Variants in MICA observed in about 807,000 individuals in gnomAD.
The protein encoded by MICA is MHC class I polypeptide-related sequence A.
A neutral mutation model predicts 34.3 loss-of-function variants in MICA; 18 were observed. The ratio of observed to expected loss-of-function variants is 0.52; its 90% CI spans 0.36 to 0.78. The LOEUF (loss-of-function observed/expected upper bound fraction) is 0.78, where lower values mean the gene tolerates loss of function less well. Ranked by LOEUF, MICA falls within the 30% of genes least tolerant of loss-of-function variation. The pLI, the probability that MICA is intolerant of heterozygous loss-of-function variation, is 0.00. For missense variants in MICA, 333 were observed against 409.4 expected, an observed-to-expected ratio of 0.81 and a Z score of 1.61; for synonymous variants, 135 against 156.9, an observed-to-expected ratio of 0.86 and a Z score of 1.04.
intron 1 of MICA, among the ~76,000 whole-genome samples, chr6:31,409,752 G>T (rs367982955): frequency 5.3e-5 from 8 of 151,988 alleles, no homozygotes; most frequent in Non-Finnish European, 1.2e-4. Flanking sequence ...GTTCTTGAGT[G>T]TAGAGTTTAG....
chr6:31,406,033 G>A (rs2263313), intron 1 of MICA, among the ~76,000 whole-genome samples: 15,573 of 151,868 alleles, frequency 0.1, 1,222 homozygotes, highest in African/African-American at 0.16. Flanking sequence ...TTAATATACC[G>A]ATTTCCTTTC....
chr6:31,405,678 G>T (rs1212938258), intron 1 of MICA, among the ~76,000 whole-genome samples: 9 of 150,762 alleles, frequency 6.0e-5, no homozygotes, highest in Non-Finnish European at 1.2e-4. Context: ...TTATATTTTT[G>T]TACCCATTAT....
At position 31,410,469 on chromosome 6, in the gene MICA, C is replaced by T. The variant is rs1771040586; in HGVS notation, c.71-74C>T. 4 of 1,560,270 alleles carry T rather than the reference C, an allele frequency of 2.6e-6. No homozygotes were observed. The East Asian group carries it at 9.0e-5, about 35-fold the overall frequency. On this transcript the variant is annotated intron_variant, in intron 1 of 5. Transcript: ENST00000449934. ...TCCTGCCCCAGGAAGGTTGGGACAG[C>T]AGACCTGTGTGTTAAACATCAATGT...
At chr6:31,410,454 G>A (rs1771038730) in intron 1 of MICA, 89 bp from the exon 2 acceptor site, 3 of 1,435,668 alleles carry the variant, frequency 2.1e-6, no homozygotes, top group African/African-American at 1.6e-5. Flanking sequence ...TCCTGCCCCA[G>A]GAAGGTTGGG....
At chr6:31,412,808 G>A (rs1416182913) in intron 5 of MICA, among the ~76,000 whole-genome samples, 3 of 151,988 alleles carry the variant, frequency 2.0e-5, no homozygotes, top group South Asian at 2.1e-4. Context: ...TGAATGCTAA[G>A]GGCCTGGATG....
At chr6:31,403,530 C>T, upstream of MICA, 1 of 948,012 alleles carries the variant, frequency 1.1e-6, no homozygotes. This position sits in a 1 kb window ranked among gnomAD's most constrained non-coding sequence, Gnocchi z 4.7. Flanking sequence ...GCCCCAGTTT[C>T]ATTGGATGAG....
chr6:31,409,232 T>A (rs563106628), intron 1 of MICA, among the ~76,000 whole-genome samples: 1 of 151,872 alleles, frequency 6.6e-6, no homozygotes, highest in South Asian at 2.1e-4. Flanking sequence ...CCTTTGGGTA[T>A]TTCTTTTGGG....
At chr6:31,401,046 C>T (rs180900413), upstream of MICA, among the ~76,000 whole-genome samples, 2 of 151,936 alleles carry the variant, frequency 1.3e-5, no homozygotes, top group African/African-American at 2.4e-5. Context: ...TGTTATTGAA[C>T]TATTAAAAGT....
chr6:31,400,923 G>C (rs2844522), upstream of MICA: 62,250 of 150,956 alleles, frequency 0.41, 13,809 homozygotes, highest in African/African-American at 0.52. Flanking sequence ...TAAGAAACAA[G>C]TCCCCTGGAG....
rs762284743 is a variant in MICA at position 31,410,766 on chromosome 6, G to A, written c.294G>A (p.Met98Ile). ...CAGGGAACGGAAAGGACCTCAGGAT[G>A]ACCCTGGCTCATATCAAGGACCAGA... ...DLTGNGKDLRMTLAHIKDQKE... is the reference protein window; with the variant it reads ...DLTGNGKDLRITLAHIKDQKE... The change falls in exon 2 of 6, where the codon ATG becomes ATA. Residue 98 changes from methionine (M) to isoleucine (I), a missense_variant. Transcript: ENST00000449934. The A allele has an allele frequency of 1.3e-6, 2 of 1,579,560 alleles. No individual in the cohort carries two copies. Among genetic ancestry groups the A allele is most frequent in the South Asian group, 1.1e-5 (1 of 87,346 alleles).
intron 1 of MICA, among the ~76,000 whole-genome samples, chr6:31,404,923 G>T (rs186029736): frequency 0.022 from 3,359 of 151,502 alleles, 142 homozygotes; most frequent in Non-Finnish European, 0.022. Context: ...CTCCACCTTG[G>T]GACCTTGTGC....
chr6:31,411,964 G>A lies in MICA; in HGVS notation c.631G>A (p.Val211Ile). ...TTCTCCAGTGCCCCCCATGGTGAATGTCACCCGCAGCGAGGCCTCAGAGGG... is the reference window on the plus strand; with the variant it reads ...TTCTCCAGTGCCCCCCATGGTGAATATCACCCGCAGCGAGGCCTCAGAGGG... ...LRRTVPPMVN[V>I]TRSEASEGNI... The change falls in exon 4 of 6, where the codon GTC becomes ATC. Residue 211 changes from valine to isoleucine, a missense_variant. Coordinates refer to ENST00000449934, the MANE Select transcript of MICA (RefSeq NM_001177519.3). This position sits in a 1 kb window ranked among gnomAD's most constrained non-coding sequence, Gnocchi z 4.3. The A allele has an allele frequency of 3.7e-6, 6 of 1,612,698 alleles. No individual in the cohort carries two copies. The highest frequency in any genetic ancestry group is 4.2e-6 in the Non-Finnish European group (5 of 1,179,506).
In MICA at chr6:31,411,239, G is replaced by A. The variant is rs3819269; in HGVS notation, c.493G>A (p.Val165Ile). ...CAGAGCTCAGACCTTGGCCATGAAC[G>A]TCAGGAATTTCTTGAAGGAAGATGC... is the stretch of plus-strand genomic sequence containing the variant. Reference protein sequence around the residue: ...SSRAQTLAMNVRNFLKEDAMK... With the variant: ...SSRAQTLAMNIRNFLKEDAMK... The change falls in exon 3 of 6, where the codon GTC (valine) becomes ATC (isoleucine). Residue 165 changes from valine to isoleucine, a missense_variant. By Grantham distance (29) the Val-to-Ile change is conservative. Coordinates refer to ENST00000449934, the MANE Select transcript of MICA (RefSeq NM_001177519.3). This position sits in a 1 kb window ranked among gnomAD's most constrained non-coding sequence, Gnocchi z 4.3. 870 of 1,613,120 alleles carry A rather than the reference G, an allele frequency of 5.4e-4. 7 individuals are homozygous for A. The Middle Eastern group carries it at 5.8e-3, about 11-fold the overall frequency.
rs1329700058 is a variant in MICA at position 31,415,159 on chromosome 6, G to A, written c.*177G>A. The stretch of plus-strand genomic sequence containing the variant: ...ACCTAGACTCTACAGCCAGGCGGCT[G>A]GAATTGAATTCCCTGCCTGGATCTC... On this transcript the variant is annotated 3_prime_UTR_variant, in exon 6 of 6. Transcript: ENST00000449934. 2 of 905,376 alleles carry A rather than the reference G, an allele frequency of 2.2e-6. No homozygotes were observed. Among genetic ancestry groups the A allele is most frequent in the South Asian group, 1.3e-5 (1 of 75,486 alleles). 56.1% of individuals were successfully genotyped at this position (905,376 alleles called of 1,614,324 possible).
In MICA at chr6:31,412,111, G is replaced by A; in HGVS notation, c.778G>A (p.Gly260Arg). The change falls in exon 4 of 6, where the codon GGG becomes AGG. Residue 260 changes from glycine to arginine, a missense_variant. Transcript: ENST00000449934. ...TQQWGDVLPD[G>R]NGTYQTWVAT... ...GCAGTGGGGGGATGTCCTGCCTGAT[G>A]GGAATGGAACCTACCAGACCTGGGT... The A allele has an allele frequency of 1.9e-6, 3 of 1,613,130 alleles. No homozygotes were observed. Among genetic ancestry groups the A allele is most frequent in the South Asian group, 1.1e-5 (1 of 91,024 alleles).
intron 1 of MICA, among the ~76,000 whole-genome samples, chr6:31,404,341 G>T (rs1182357097): frequency 1.3e-5 from 2 of 151,424 alleles, no homozygotes; most frequent in Non-Finnish European, 2.9e-5. Context: ...CTCTGGCTCC[G>T]AGGGTCCTCT....
chr6:31,415,210 C>G lies in MICA; in HGVS notation c.*228C>G, dbSNP rs140390705. ...ACAAGCACTTTCCCTCTTGGTGCCT[C>G]AGTTTCCTGACCTATGAAACAGAGA... On this transcript the variant is annotated 3_prime_UTR_variant, in exon 6 of 6. Transcript: ENST00000449934. 1.1e-5 allele frequency: 8 copies of G among 708,858 alleles called. No individual in the cohort carries two copies. The highest frequency in any genetic ancestry group is 8.9e-5 in the South Asian group (6 of 67,280). 43.9% of individuals were successfully genotyped at this position (708,858 alleles called of 1,614,324 possible).
chr6:31,403,595 A>G lies in MICA; in HGVS notation c.-38A>G, dbSNP rs1311707575. ...TTTCCGCGGCGCCTTCTCCCCGGCC[A>G]CTGCTTGAGCCGCTGAGAGGGTGGC... On this transcript the variant is annotated 5_prime_UTR_variant, in exon 1 of 6. Transcript: ENST00000449934. The surrounding 1 kb of genome is among the most constrained non-coding windows in gnomAD (Gnocchi z 4.7). 2 of 1,459,978 alleles carry G rather than the reference A, an allele frequency of 1.4e-6. No homozygotes were observed. Among genetic ancestry groups the G allele is most frequent in the Non-Finnish European group, 1.8e-6 (2 of 1,106,690 alleles). 90.4% of individuals were successfully genotyped at this position (1,459,978 alleles called of 1,614,324 possible).
Position 31,410,707 on chromosome 6 carries a change from A to T in MICA, c.235A>T (p.Asn79Tyr). 20 of 1,612,424 alleles carry T rather than the reference A, an allele frequency of 1.2e-5. No individual in the cohort carries two copies. The highest frequency in any genetic ancestry group is 1.7e-5 in the Non-Finnish European group (20 of 1,179,612). The change falls in exon 2 of 6, where the codon AAT becomes TAT. Residue 79 changes from asparagine to tyrosine, a missense_variant. Coordinates refer to ENST00000449934, the MANE Select transcript of MICA (RefSeq NM_001177519.3). ...QGQWAEDVLG[N>Y]KTWDRETRDL... The stretch of plus-strand genomic sequence containing the variant: ...ACAGTGGGCAGAAGATGTCCTGGGA[A>T]ATAAGACATGGGACAGAGAGACCAG...
Sources: allele counts gnomAD v4.1 joint callset (sites outside exome capture counted in the v4.1 genomes callset), GRCh38; gene constraint gnomAD v4.1.1; non-coding constraint Gnocchi (gnomAD v3.1); transcripts MANE v1.5; gene names NCBI Gene and HGNC (gene_info 2026-07-23, HGNC 2026-07-21).